Variants in PIEZO2 observed in about 807,000 individuals in gnomAD.
PIEZO2 encodes piezo type mechanosensitive ion channel component 2, also known as piezo-type mechanosensitive ion channel component 2.
A neutral mutation model predicts 337.3 loss-of-function variants in PIEZO2; 172 were observed. The observed-to-expected ratio is 0.51, with a 90% CI of 0.45 to 0.58. The LOEUF is 0.58. Among genes scored for constraint, PIEZO2 ranks in the 20% least tolerant of loss-of-function variants. The pLI is 0.00. For synonymous variants in PIEZO2, 1,251 were observed against 1,228.5 expected (o/e 1.02, Z -0.38); for missense variants, 3,028 against 3,391.3 (o/e 0.89, Z 2.66).
chr18:10,905,728 C>T (rs766879780), intron 4 of PIEZO2, among the ~76,000 whole-genome samples: 8 of 152,030 alleles, frequency 5.3e-5, no homozygotes, highest in Non-Finnish European at 8.8e-5. Context: ...GCTGCTGCAA[C>T]GTAATGACAA....
chr18:10,986,402 T>G (rs574295937), intron 2 of PIEZO2, among the ~76,000 whole-genome samples: 39 of 152,162 alleles, frequency 2.6e-4, no homozygotes, highest in South Asian at 2.1e-4. Flanking sequence ...CAAGTGGAAT[T>G]TATCTCTGGA....
At position 10,773,821 on chromosome 18, in the gene PIEZO2, T is replaced by A. The variant is rs534979826; in HGVS notation, c.2567+185A>T. Among the ~76,000 whole-genome samples, 5 of 152,390 alleles carry A rather than the reference T, an allele frequency of 3.3e-5. No individual in the cohort carries two copies. The highest frequency in any genetic ancestry group is 1.2e-4 in the African/African-American group (5 of 41,600). On this transcript the variant is annotated intron_variant, in intron 19 of 55. Transcript: ENST00000674853. The surrounding 1 kb of genome is among the most constrained non-coding windows in gnomAD (Gnocchi z 5.3). ...TTTTAAGTTCTTTCTAAAAACAAACTGTAAACTTGGTTAGGTTTTGTTAGC... is the reference window on the plus strand; with the variant it reads ...TTTTAAGTTCTTTCTAAAAACAAACAGTAAACTTGGTTAGGTTTTGTTAGC...
intron 33 of PIEZO2, chr18:10,739,807 G>T (rs1280488629): frequency 2.0e-5 from 3 of 151,954 alleles, no homozygotes; most frequent in African/African-American, 7.3e-5. Flanking sequence ...TCAATATTTG[G>T]GATTAAATTT....
chr18:10,697,462 C>A (rs547772913), intron 45 of PIEZO2, among the ~76,000 whole-genome samples: 1 of 152,224 alleles, frequency 6.6e-6, no homozygotes, highest in Non-Finnish European at 1.5e-5. Flanking sequence ...CTGGACTTCA[C>A]CATGATAATG....
intron 2 of PIEZO2, among the ~76,000 whole-genome samples, chr18:10,994,655 G>A (rs1199755618): frequency 5.7e-4 from 85 of 149,974 alleles, no homozygotes; most frequent in Non-Finnish European, 9.6e-4. Context: ...TGATCTACCC[G>A]CCTCAGCCTC....
chr18:10,793,423 C>A (rs1014086048), intron 13 of PIEZO2, among the ~76,000 whole-genome samples: 4 of 152,016 alleles, frequency 2.6e-5, no homozygotes, highest in African/African-American at 9.7e-5. Context: ...TTTTTTTCCA[C>A]GAGTAACAAA....
chr18:11,137,669 GA>G (rs762663578), intron 1 of PIEZO2, among the ~76,000 whole-genome samples: 2 of 152,182 alleles, frequency 1.3e-5, no homozygotes, highest in Non-Finnish European at 2.9e-5. Context: ...ACAGTCCAGG[GA>G]AAGCAGCAGG....
chr18:10,874,631 T>C (rs897780863), intron 4 of PIEZO2, among the ~76,000 whole-genome samples: 14 of 152,192 alleles, frequency 9.2e-5, no homozygotes, highest in Non-Finnish European at 1.9e-4. Context: ...GGAATATTAT[T>C]CAGCCATAAA....
Position 10,746,421 on chromosome 18 carries a change from C to T in PIEZO2, c.4424+2050G>A, listed in dbSNP as rs936286982. On this transcript the variant is annotated intron_variant, in intron 30 of 55. Transcript: ENST00000674853. The surrounding 1 kb of genome is among the most constrained non-coding windows in gnomAD (Gnocchi z 4.2). ...CCGTAGTTTCACTGGGCTGCTTCCC[C>T]TGCCTTCTCCTCTGACTAACTCCTC... Among the ~76,000 whole-genome samples the T allele has an allele frequency of 4.6e-4, 70 of 152,200 alleles. No individual in the cohort carries two copies. The highest frequency in any genetic ancestry group is 1.4e-3 in the African/African-American group (56 of 41,446).
rs8098862 is a variant in PIEZO2 at position 10,981,448 on chromosome 18, G to A, written c.161-1788C>T. Among the ~76,000 whole-genome samples the A allele has an allele frequency of 3.2e-3, 482 of 152,192 alleles. 2 individuals are homozygous for A. Among genetic ancestry groups the A allele is most frequent in the African/African-American group, 0.011 (452 of 41,516 alleles). ...AAGAAATCAATTAATGTAATTCACC[G>A]TATTAGCAGATTAAAAGAGAAATAG... On this transcript the variant is annotated intron_variant, in intron 2 of 55. Transcript: ENST00000674853.
Position 10,846,605 on chromosome 18 carries a change from G to A in PIEZO2, c.917+8748C>T, listed in dbSNP as rs1397706818. ...AAGCCCATCATGGCTCTGAAGAACT[G>A]GGTCCTAGTGAGTCAGACATATGCA... On this transcript the variant is annotated intron_variant, in intron 7 of 55. Transcript: ENST00000674853. This position sits in a 1 kb window ranked among gnomAD's most constrained non-coding sequence, Gnocchi z 4.1. Among the ~76,000 whole-genome samples, 1 of 152,138 alleles carries A rather than the reference G, an allele frequency of 6.6e-6. No individual in the cohort carries two copies. The highest frequency in any genetic ancestry group is 1.5e-5 in the Non-Finnish European group (1 of 68,028).
intron 3 of PIEZO2, among the ~76,000 whole-genome samples, chr18:10,946,737 C>T (rs1273317513): frequency 6.6e-6 from 1 of 152,126 alleles, no homozygotes; most frequent in Non-Finnish European, 1.5e-5. Context: ...AGGGGAACTA[C>T]TTGGTTTAAA....
Position 10,953,108 on chromosome 18 carries a change from T to C in PIEZO2, c.286+26427A>G, listed in dbSNP as rs1180216005. On this transcript the variant is annotated intron_variant, in intron 3 of 55. Transcript: ENST00000674853. This position sits in a 1 kb window ranked among gnomAD's most constrained non-coding sequence, Gnocchi z 5.2. ...AATGAGATGTTTCCTTAGTATTGAG[T>C]TTTAAGAGTTCTTCATAAATACTGG... is the stretch of plus-strand genomic sequence containing the variant. Among the ~76,000 whole-genome samples, 1 of 152,202 alleles carries C rather than the reference T, an allele frequency of 6.6e-6. No individual in the cohort carries two copies. The highest frequency in any genetic ancestry group is 1.5e-5 in the Non-Finnish European group (1 of 68,032).
intron 3 of PIEZO2, among the ~76,000 whole-genome samples, chr18:10,948,220 T>C (rs527645763): frequency 3.3e-5 from 5 of 152,282 alleles, no homozygotes; most frequent in Non-Finnish European, 7.4e-5. Flanking sequence ...TAAATATACA[T>C]GGATGAGTCA....
chr18:10,726,691 G>C lies in PIEZO2; in HGVS notation c.5029+4716C>G, dbSNP rs2036559413. 1 of 1,435,364 alleles carries C rather than the reference G, an allele frequency of 7.0e-7. No individual in the cohort carries two copies. Among genetic ancestry groups the C allele is most frequent in the East Asian group, 2.3e-5 (1 of 43,518 alleles). The allele number at this position is 1,435,364 out of a possible 1,614,324, so 88.9% of individuals were successfully genotyped here. A position where few individuals can be genotyped will look rare whatever the true frequency, so the allele number is the denominator to read the frequency against. ...CTCGCTGCCAAGTTAATTCAGCAAGGACCAGGTGTACCTGAACGGCATCCT... is the reference window on the plus strand; with the variant it reads ...CTCGCTGCCAAGTTAATTCAGCAAGCACCAGGTGTACCTGAACGGCATCCT... On this transcript the variant is annotated intron_variant, in intron 36 of 55. Transcript: ENST00000674853. This position sits in a 1 kb window ranked among gnomAD's most constrained non-coding sequence, Gnocchi z 5.9.
Position 10,718,189 on chromosome 18 carries a change from T to C in PIEZO2, c.5089+11A>G. 6.5e-7 allele frequency: 1 copy of C among 1,534,478 alleles called. No homozygotes were observed. The highest frequency in any genetic ancestry group is 8.7e-7 in the Non-Finnish European group (1 of 1,144,358). ...AGTTCCCACAGCTCATATTTGTCTT[T>C]ATTTTGTTACCTGGTCCATCGGATT... On this transcript the variant is annotated intron_variant, in intron 37 of 55. Transcript: ENST00000674853.
intron 2 of PIEZO2, among the ~76,000 whole-genome samples, chr18:11,039,222 T>C (rs941279062): frequency 3.3e-5 from 5 of 152,172 alleles, no homozygotes; most frequent in Non-Finnish European, 7.4e-5. Flanking sequence ...CAACAAGCGA[T>C]TGGGTGACAG....
Position 10,682,920 on chromosome 18 carries a change from T to C in PIEZO2, c.7498-628A>G, listed in dbSNP as rs1054304466. 7.2e-5 allele frequency among the ~76,000 whole-genome samples: 11 copies of C among 152,194 alleles called. No individual in the cohort carries two copies. The highest frequency in any genetic ancestry group is 2.4e-5 in the African/African-American group (1 of 41,460). ...ACAGGAGCCTGTGCACCAGTAAGGC[T>C]GGGAGCACTTCTGTTTGCTTTAATA... On this transcript the variant is annotated intron_variant, in intron 49 of 55. Coordinates refer to ENST00000674853, the MANE Select transcript of PIEZO2 (RefSeq NM_001378183.1). This position sits in a 1 kb window ranked among gnomAD's most constrained non-coding sequence, Gnocchi z 5.6.
chr18:10,890,715 A>C (rs1011018018), intron 4 of PIEZO2: 3 of 151,880 alleles, frequency 2.0e-5, no homozygotes, highest in Middle Eastern at 3.4e-3. Context: ...ACACATGGGG[A>C]TTATGGGAAC....
Sources: gnomAD v4.1 joint callset for allele counts (sites outside exome capture counted in the v4.1 genomes callset) on GRCh38, gnomAD v4.1.1 for gene constraint, Gnocchi (gnomAD v3.1) non-coding constraint, MANE v1.5 for transcripts, NCBI Gene and HGNC (gene_info 2026-07-23, HGNC 2026-07-21) for gene names.